RARB: variants seen among roughly 807,000 people sequenced by gnomAD.
RARB encodes the protein retinoic acid receptor beta.
A neutral mutation model predicts 51.9 loss-of-function variants in RARB; 17 were observed. That is an observed-to-expected ratio of 0.33 (90% CI 0.22 to 0.49). The LOEUF (loss-of-function observed/expected upper bound fraction) is 0.49, where lower values mean the gene tolerates loss of function less well. Ranked by LOEUF, RARB falls within the 20% of genes least tolerant of loss-of-function variation. The pLI is 0.99. For missense variants in RARB, 369 were observed against 550.8 expected, an observed-to-expected ratio of 0.67 and a Z score of 3.30; for synonymous variants, 215 against 195.4, an observed-to-expected ratio of 1.10 and a Z score of -0.84.
At chr3:24,953,554 G>A (rs1038734718) in intron 2 of RARB, among the ~76,000 whole-genome samples, 1 of 152,140 alleles carries the variant, frequency 6.6e-6, no homozygotes, top group Non-Finnish European at 1.5e-5. Flanking sequence ...GCTCTGGAGT[G>A]TCAAAACACC....
intron 4 of RARB, among the ~76,000 whole-genome samples, chr3:25,158,871 T>C (rs547421680): frequency 6.6e-6 from 1 of 152,248 alleles, no homozygotes; most frequent in East Asian, 1.9e-4. Flanking sequence ...GAGTTCTGTA[T>C]TGAACCCTCT....
At chr3:25,557,228 A>G (rs1198886323) in intron 3 of RARB, among the ~76,000 whole-genome samples, 1 of 152,036 alleles carries the variant, frequency 6.6e-6, no homozygotes, top group Non-Finnish European at 1.5e-5. Context: ...TTATGTCTAC[A>G]TCAGCATCTG....
chr3:24,879,818 G>T (rs1703121806), intron 2 of RARB, among the ~76,000 whole-genome samples: 1 of 152,146 alleles, frequency 6.6e-6, no homozygotes, highest in Non-Finnish European at 1.5e-5. Flanking sequence ...CAGGATTCAA[G>T]ATGTGTAGAT....
At chr3:25,473,378 G>A (rs1393626211) in intron 2 of RARB, among the ~76,000 whole-genome samples, 2 of 152,052 alleles carry the variant, frequency 1.3e-5, no homozygotes, top group African/African-American at 2.4e-5. Flanking sequence ...TGTCTGGGGT[G>A]AAGGGGAAAA....
intron 5 of RARB, among the ~76,000 whole-genome samples, chr3:25,295,345 T>C (rs1390428873): frequency 6.6e-6 from 1 of 152,166 alleles, no homozygotes; most frequent in East Asian, 1.9e-4. Context: ...TAAAAGAGGT[T>C]TGAGGGAGAC....
chr3:25,225,730 G>A (rs560997653), intron 5 of RARB, among the ~76,000 whole-genome samples: 2 of 152,244 alleles, frequency 1.3e-5, no homozygotes, highest in Admixed American at 6.5e-5. Context: ...ATACGCACAC[G>A]TATTTGTGAT....
chr3:25,574,606 G>C (rs1355082186), intron 4 of RARB, among the ~76,000 whole-genome samples: 1 of 152,210 alleles, frequency 6.6e-6, no homozygotes, highest in Non-Finnish European at 1.5e-5. Context: ...TGTGCGGGCC[G>C]CTCATCACCA....
intron 3 of RARB, among the ~76,000 whole-genome samples, chr3:25,502,590 C>G (rs543130533): frequency 6.6e-6 from 1 of 152,316 alleles, no homozygotes; most frequent in East Asian, 1.9e-4. Context: ...GAAAGCTTCA[C>G]AGCTGGGATC....
At chr3:25,321,354 CTT>C (rs1292144717) in intron 5 of RARB, among the ~76,000 whole-genome samples, 1 of 152,076 alleles carries the variant, frequency 6.6e-6, no homozygotes, top group African/African-American at 2.4e-5. Context: ...AATACACTGT[CTT>C]TTTTGTTGAC....
chr3:24,954,957 T>C (rs185924019), intron 2 of RARB, among the ~76,000 whole-genome samples: 1 of 152,238 alleles, frequency 6.6e-6, no homozygotes, highest in East Asian at 1.9e-4. Flanking sequence ...TTACAGATAA[T>C]GCTCTTCTAG....
chr3:25,323,905 G>A (rs1704639141), intron 5 of RARB, among the ~76,000 whole-genome samples: 1 of 152,108 alleles, frequency 6.6e-6, no homozygotes, highest in Non-Finnish European at 1.5e-5. Flanking sequence ...TCACATTCTA[G>A]TACCTCAATA....
chr3:24,883,560 A>G (rs765128750), intron 2 of RARB, among the ~76,000 whole-genome samples: 6 of 152,180 alleles, frequency 3.9e-5, no homozygotes, highest in South Asian at 4.1e-4. Context: ...GCAAAAAATC[A>G]TCAAACCATC....
At chr3:25,101,645 T>G (rs552997538) in intron 3 of RARB, among the ~76,000 whole-genome samples, 11 of 151,048 alleles carry the variant, frequency 7.3e-5, no homozygotes, top group Non-Finnish European at 1.3e-4. Context: ...TGCTAAATCT[T>G]TATGTTTTTT....
chr3:25,595,867 T>G (rs1701797767), intron 7 of RARB, among the ~76,000 whole-genome samples: 1 of 152,240 alleles, frequency 6.6e-6, no homozygotes, highest in African/African-American at 2.4e-5. Context: ...TTTTTCAAGA[T>G]ACACTTCTTT....
chr3:25,425,381 TGAA>T (rs948628206), upstream of RARB, among the ~76,000 whole-genome samples: 1 of 152,214 alleles, frequency 6.6e-6, no homozygotes, highest in Non-Finnish European at 1.5e-5. Context: ...CATTTACTGA[TGAA>T]GAAATAATTA....
intron 2 of RARB, among the ~76,000 whole-genome samples, chr3:25,032,882 A>G (rs1697904664): frequency 6.6e-6 from 1 of 152,230 alleles, no homozygotes; most frequent in Admixed American, 6.5e-5. Flanking sequence ...ATAAAAAAAT[A>G]GTTCAATTGT....
chr3:25,226,927 C>CCCA (rs1379223540), intron 5 of RARB, among the ~76,000 whole-genome samples: 2 of 152,168 alleles, frequency 1.3e-5, no homozygotes, highest in African/African-American at 4.8e-5. Flanking sequence ...CTGTAAGAGA[C>CCCA]CAATTATATG....
chr3:25,454,898 A>T (rs559785746), intron 1 of RARB, among the ~76,000 whole-genome samples: 2 of 152,360 alleles, frequency 1.3e-5, no homozygotes, highest in Admixed American at 6.5e-5. Flanking sequence ...AAGTCCTCTT[A>T]ACAGGCAGCA....
chr3:25,273,229 C>T (rs948792525), intron 5 of RARB, among the ~76,000 whole-genome samples: 2 of 152,156 alleles, frequency 1.3e-5, no homozygotes, highest in African/African-American at 4.8e-5. Flanking sequence ...GCTGATATTT[C>T]TGTGTCTAAC....
Sources: gnomAD v4.1 joint callset for allele counts (sites outside exome capture counted in the v4.1 genomes callset) on GRCh38, gnomAD v4.1.1 for gene constraint, MANE v1.5 for transcripts, NCBI Gene and HGNC (gene_info 2026-07-23, HGNC 2026-07-21) for gene names.